ADRA1B: variants seen among roughly 807,000 people sequenced by gnomAD.
ADRA1B encodes the protein adrenoceptor alpha 1B.
A neutral mutation model predicts 17.9 loss-of-function variants in ADRA1B; 17 were observed. That is an observed-to-expected ratio of 0.95 (90% CI 0.65 to 1.42). ADRA1B has a LOEUF of 1.42. Ranked by LOEUF, ADRA1B falls within the 40% of genes most tolerant of loss-of-function variation. ADRA1B has a pLI of 0.00. For missense variants in ADRA1B, 681 were observed against 722.1 expected (o/e 0.94, Z 0.65); for synonymous variants, 366 against 327.6 (o/e 1.12, Z -1.27).
At chr5:159,984,965 G>A in the ADRA1B span, among the ~76,000 whole-genome samples, 3 of 151,320 alleles carry the variant, frequency 2.0e-5, no homozygotes, top group Non-Finnish European at 2.9e-5. Flanking sequence ...ACCCTCCAGT[G>A]ATTTCCCATC....
At position 159,930,479 on chromosome 5, in the gene ADRA1B, A is replaced by C. The variant is rs529083047; in HGVS notation, c.949+12625A>C. Among the ~76,000 whole-genome samples the C allele has an allele frequency of 1.0e-3, 155 of 152,344 alleles. 1 individual carries two copies. The highest frequency in any genetic ancestry group is 1.7e-3 in the Non-Finnish European group (119 of 68,028). On this transcript the variant is annotated intron_variant, in intron 1 of 1. Transcript: ENST00000306675. ...CCCCTTCTCTACTAAAAATATAAAA[A>C]TTAGCCAGAGAATCGCTTGTACGCA...
intron 1 of ADRA1B, among the ~76,000 whole-genome samples, chr5:159,895,691 C>T (rs1754034051): frequency 6.6e-6 from 1 of 152,204 alleles, no homozygotes. Flanking sequence ...AGATCATTCC[C>T]ATCCTCCCTT....
intron 1 of ADRA1B, among the ~76,000 whole-genome samples, chr5:159,927,540 G>A (rs1008603254): frequency 2.6e-5 from 4 of 152,006 alleles, no homozygotes; most frequent in Non-Finnish European, 4.4e-5. Flanking sequence ...CCAGCTTTGC[G>A]AATGCTCTGA....
At chr5:159,975,260 G>A (rs529330032), downstream of ADRA1B, among the ~76,000 whole-genome samples, 51 of 152,216 alleles carry the variant, frequency 3.4e-4, no homozygotes, top group African/African-American at 1.2e-3. Context: ...ACTTGCTCTG[G>A]CCTGCCCCAA....
At chr5:159,943,536 T>C (rs1156957269) in intron 1 of ADRA1B, among the ~76,000 whole-genome samples, 1 of 152,044 alleles carries the variant, frequency 6.6e-6, no homozygotes, top group Non-Finnish European at 1.5e-5. Context: ...AGATCGTTAG[T>C]CTAATGACTT....
At chr5:159,867,238 A>T (rs2113061131) in intron 1 of ADRA1B, among the ~76,000 whole-genome samples, 1 of 152,290 alleles carries the variant, frequency 6.6e-6, no homozygotes, top group African/African-American at 2.4e-5. Flanking sequence ...GCCTTAAGCC[A>T]TCCTCAAGAC....
chr5:159,945,716 T>C (rs1755249956), intron 1 of ADRA1B, among the ~76,000 whole-genome samples: 2 of 151,776 alleles, frequency 1.3e-5, no homozygotes, highest in Non-Finnish European at 2.9e-5. Flanking sequence ...AGGGAAATAA[T>C]GTAATCCGAT....
chr5:159,943,238 AAAAT>A (rs1465193047), intron 1 of ADRA1B, among the ~76,000 whole-genome samples: 3 of 152,150 alleles, frequency 2.0e-5, no homozygotes, highest in African/African-American at 7.2e-5. Flanking sequence ...TGAAAAATGA[AAAAT>A]AAAAATAAAT....
At chr5:159,916,459 C>G (rs1754306325), upstream of ADRA1B, 1 of 152,472 alleles carries the variant, frequency 6.6e-6, no homozygotes, top group Non-Finnish European at 1.5e-5. Flanking sequence ...GCCGGGCTCC[C>G]CCGCCTGATG....
intron 1 of ADRA1B, among the ~76,000 whole-genome samples, chr5:159,949,732 C>G (rs952498492): frequency 6.6e-6 from 1 of 152,230 alleles, no homozygotes; most frequent in African/African-American, 2.4e-5. Flanking sequence ...ATGCTGTCCT[C>G]CACTAAGATC....
At chr5:159,986,457 T>TA in the ADRA1B span, among the ~76,000 whole-genome samples, 3 of 152,212 alleles carry the variant, frequency 2.0e-5, no homozygotes, top group African/African-American at 7.2e-5. Flanking sequence ...CTTGTGAGAC[T>TA]AGAGAGAGTC....
intron 1 of ADRA1B, among the ~76,000 whole-genome samples, chr5:159,867,651 A>G (rs1753675736): frequency 6.6e-6 from 1 of 152,204 alleles, no homozygotes; most frequent in African/African-American, 2.4e-5. Context: ...TCTCAAACCA[A>G]CTGCTAAGAC....
In ADRA1B at chr5:159,875,298, T is replaced by C. The variant is rs530004530; in HGVS notation, c.-256+10092T>C. Reference sequence around the variant, plus strand: ...ATGTCAGGACACAGTTATATCCTTTTATTCTCTTTTCTCCCCTCCTCTATT... The same window carrying C: ...ATGTCAGGACACAGTTATATCCTTTCATTCTCTTTTCTCCCCTCCTCTATT... On this transcript the variant is annotated intron_variant, in intron 1 of 2. Transcript: ENST00000641205. Among the ~76,000 whole-genome samples, 5 of 152,118 alleles carry C rather than the reference T, an allele frequency of 3.3e-5. No homozygotes were observed. The East Asian group carries it at 9.7e-4, about 29-fold the overall frequency.
At position 159,939,314 on chromosome 5, in the gene ADRA1B, TGTGTGTGTGCGC is replaced by T. The variant is rs1160098442; in HGVS notation, c.949+21462_949+21473del. Among the ~76,000 whole-genome samples, 10 of 127,076 alleles carry T rather than the reference TGTGTGTGTGCGC, an allele frequency of 7.9e-5. No homozygotes were observed. In the East Asian group the frequency reaches 8.9e-4, roughly 11 times the overall value. 83.4% of individuals were successfully genotyped at this position (127,076 alleles called of 152,430 possible). On this transcript the variant is annotated intron_variant, in intron 1 of 1. Transcript: ENST00000306675. ...GTGTGTGTGTGTGTGTGTGTGTGTGTGTGTGTGTGCGCGCGCGCGCGCACACAATGCACTGAG... is the reference window on the plus strand; with the variant it reads ...GTGTGTGTGTGTGTGTGTGTGTGTGTGCGCGCGCGCACACAATGCACTGAG...
At chr5:159,939,274 AGAGAGTGT>A (rs1465349613) in intron 1 of ADRA1B, among the ~76,000 whole-genome samples, 792 of 78,152 alleles carry the variant, frequency 0.01, 2 homozygotes, top group Non-Finnish European at 0.013. Flanking sequence ...AGAGAGAGAG[AGAGAGTGT>A]GTGTGTGTGT....
chr5:159,903,785 C>G (rs1049014063), intron 1 of ADRA1B, among the ~76,000 whole-genome samples: 5 of 152,170 alleles, frequency 3.3e-5, no homozygotes, highest in African/African-American at 1.2e-4. Context: ...GTCTTAAGAG[C>G]ACCTGGGTAC....
At chr5:159,938,045 CTCT>C (rs1229269813) in intron 1 of ADRA1B, among the ~76,000 whole-genome samples, 1 of 152,146 alleles carries the variant, frequency 6.6e-6, no homozygotes, top group Non-Finnish European at 1.5e-5. Flanking sequence ...GCTGACTCTT[CTCT>C]TCTTATTATC....
intron 1 of ADRA1B, among the ~76,000 whole-genome samples, chr5:159,943,650 T>C (rs1419191903): frequency 6.6e-6 from 1 of 152,078 alleles, no homozygotes; most frequent in Non-Finnish European, 1.5e-5. Context: ...ACTGAGATGA[T>C]TGAGAATACT....
At chr5:159,909,192 T>C (rs1754198506) in intron 1 of ADRA1B, among the ~76,000 whole-genome samples, 1 of 152,124 alleles carries the variant, frequency 6.6e-6, no homozygotes, top group Non-Finnish European at 1.5e-5. Flanking sequence ...CCCCCTTCAC[T>C]ATGCTCCCCG....
Sources: allele counts gnomAD v4.1 joint callset (sites outside exome capture counted in the v4.1 genomes callset), GRCh38; gene constraint gnomAD v4.1.1; transcripts MANE v1.5; gene names NCBI Gene and HGNC (gene_info 2026-07-23, HGNC 2026-07-21).